Variants in ZBTB7C observed in about 807,000 individuals in gnomAD.
ZBTB7C encodes zinc finger and BTB domain containing 7C, also known as zinc finger and BTB domain-containing protein 7C.
ZBTB7C carries 8 observed loss-of-function variants against 25.7 expected under a neutral mutation model. The observed-to-expected ratio is 0.31, with a 90% CI of 0.18 to 0.56. The LOEUF is 0.56. ZBTB7C is among the 20% of genes least tolerant of loss of function. ZBTB7C has a pLI of 0.91. For synonymous variants in ZBTB7C, 394 were observed against 369.0 expected (o/e 1.07, Z -0.78); for missense variants, 824 against 855.2 (o/e 0.96, Z 0.46).
chr18:48,398,465 C>G (rs188328284), intron 1 of ZBTB7C, among the ~76,000 whole-genome samples: 1 of 152,280 alleles, frequency 6.6e-6, no homozygotes, highest in East Asian at 1.9e-4. Flanking sequence ...GTCAGGAAAG[C>G]CTAAGCTCCC....
intron 3 of ZBTB7C, among the ~76,000 whole-genome samples, chr18:48,074,354 A>G (rs1278233618): frequency 6.6e-6 from 1 of 152,160 alleles, no homozygotes; most frequent in Admixed American, 6.5e-5. Context: ...TCTGGGGGGC[A>G]GTCATTCCTG....
intron 2 of ZBTB7C, among the ~76,000 whole-genome samples, chr18:48,186,621 A>T (rs2042062079): frequency 6.6e-6 from 1 of 152,170 alleles, no homozygotes; most frequent in South Asian, 2.1e-4. Context: ...CGCTAACCTG[A>T]ACTGTGAATT....
chr18:48,323,565 T>A (rs1361599356), intron 2 of ZBTB7C, among the ~76,000 whole-genome samples: 1 of 152,158 alleles, frequency 6.6e-6, no homozygotes, highest in East Asian at 1.9e-4. Flanking sequence ...ACCACCAAAG[T>A]CCTTTGCAGT....
At chr18:48,038,271 C>T (rs1329109877) in intron 4 of ZBTB7C, among the ~76,000 whole-genome samples, 2 of 152,108 alleles carry the variant, frequency 1.3e-5, no homozygotes, top group Admixed American at 6.5e-5. Context: ...TGAGGCCCTT[C>T]CCCTCTGCTC....
intron 3 of ZBTB7C, among the ~76,000 whole-genome samples, chr18:48,111,168 T>C (rs2039224786): frequency 1.3e-5 from 2 of 152,126 alleles, no homozygotes; most frequent in Non-Finnish European, 2.9e-5. Flanking sequence ...TCTGGGTGTG[T>C]CACCTCCACC....
chr18:48,303,519 T>C (rs757624535), intron 2 of ZBTB7C, among the ~76,000 whole-genome samples: 18 of 152,182 alleles, frequency 1.2e-4, no homozygotes, highest in Non-Finnish European at 2.1e-4. Flanking sequence ...GTGTTAACAC[T>C]ATCAAATACA....
intron 1 of ZBTB7C, among the ~76,000 whole-genome samples, chr18:48,402,815 T>C (rs1280042361): frequency 1.3e-5 from 2 of 152,220 alleles, no homozygotes; most frequent in Non-Finnish European, 2.9e-5. Flanking sequence ...TGTTGTAGGA[T>C]GTTTTTGATT....
intron 3 of ZBTB7C, among the ~76,000 whole-genome samples, chr18:48,120,380 C>T (rs1234727700): frequency 1.3e-5 from 2 of 152,148 alleles, no homozygotes; most frequent in Non-Finnish European, 2.9e-5. Flanking sequence ...AATCCCAGCA[C>T]TTTGGGAGGC....
chr18:48,114,021 C>T (rs1032263374), intron 3 of ZBTB7C, among the ~76,000 whole-genome samples: 1 of 152,170 alleles, frequency 6.6e-6, no homozygotes, highest in African/African-American at 2.4e-5. Context: ...CTGGGAGCCA[C>T]TGGTGCTCTA....
intron 3 of ZBTB7C, among the ~76,000 whole-genome samples, chr18:48,150,200 G>C (rs1598975679): frequency 6.6e-6 from 1 of 152,148 alleles, no homozygotes; most frequent in African/African-American, 2.4e-5. Context: ...GCCAGGATCT[G>C]AACTCAGGCC....
At chr18:48,356,917 C>T (rs988069436) in intron 1 of ZBTB7C, among the ~76,000 whole-genome samples, 1 of 152,298 alleles carries the variant, frequency 6.6e-6, no homozygotes, top group East Asian at 1.9e-4. Context: ...TCCTAACACA[C>T]ATAATCCTAC....
At chr18:48,151,524 C>A (rs2040678393) in intron 3 of ZBTB7C, among the ~76,000 whole-genome samples, 1 of 152,192 alleles carries the variant, frequency 6.6e-6, no homozygotes, top group Admixed American at 6.5e-5. Context: ...AGTCTCCTCA[C>A]TCTAAAGATA....
At chr18:48,181,209 AGGACT>A (rs1161544537) in intron 3 of ZBTB7C, among the ~76,000 whole-genome samples, 2 of 152,192 alleles carry the variant, frequency 1.3e-5, no homozygotes, top group Admixed American at 6.5e-5. Context: ...GCAGATAGTA[AGGACT>A]GGACTGGACT....
In ZBTB7C at chr18:48,040,587, T is replaced by G; in HGVS notation, c.521A>C (p.Gln174Pro). Residue 174 changes from glutamine to proline, a missense_variant, in exon 4 of 5, where the codon CAA (glutamine) becomes CCA (proline). Around this residue, in one of 4 missense-constraint regions of ZBTB7C, gnomAD observed 316 missense variants for 299.2 expected, o/e 1.06. Transcript: ENST00000590800. ...GTCCTGGGGGTCAGGCAAGTTTTCT[T>G]GGTCAGCAAAGTCCTCCGTGTCATC... ...DDDDTEDFAD[Q>P]ENLPDPQDIS... 6.2e-7 allele frequency: 1 copy of G among 1,613,926 alleles called. No homozygotes were observed. Among genetic ancestry groups the G allele is most frequent in the Non-Finnish European group, 8.5e-7 (1 of 1,179,938 alleles).
chr18:48,111,187 CCATCCTTTCT>C (rs2039226297), intron 3 of ZBTB7C, among the ~76,000 whole-genome samples: 1 of 152,134 alleles, frequency 6.6e-6, no homozygotes, highest in Non-Finnish European at 1.5e-5. Flanking sequence ...CCTCCCCACC[CCATCCTTTCT>C]CATGCTCTCG....
Position 48,040,747 on chromosome 18 carries a change from T to G in ZBTB7C, c.361A>C (p.Asn121His), listed in dbSNP as rs374089051. 2.5e-6 allele frequency: 4 copies of G among 1,614,026 alleles called. No individual in the cohort carries two copies. The highest frequency in any genetic ancestry group is 1.7e-6 in the Non-Finnish European group (2 of 1,179,990). The stretch of plus-strand genomic sequence containing the variant: ...GGCTCCATGATCTCCAGGCACACGT[T>G]CACGATGCACTGGATCTCCAGCATC... ...ARMLEIQCIV[N>H]VCLEIMEPGG... The change falls in exon 4 of 5, where the codon AAC becomes CAC. Residue 121 changes from asparagine to histidine, a missense_variant. Coordinates refer to ENST00000590800, the MANE Select transcript of ZBTB7C (RefSeq NM_001318841.2).
intron 3 of ZBTB7C, among the ~76,000 whole-genome samples, chr18:48,123,166 TCA>T (rs932346224): frequency 6.6e-6 from 1 of 152,112 alleles, no homozygotes; most frequent in Admixed American, 6.5e-5. Flanking sequence ...TGCTTTGTGA[TCA>T]CCCATCAAGT....
intron 2 of ZBTB7C, among the ~76,000 whole-genome samples, chr18:48,224,218 T>C (rs1277916645): frequency 2.0e-5 from 3 of 152,210 alleles, no homozygotes; most frequent in Non-Finnish European, 2.9e-5. Context: ...CATGCATTTA[T>C]ACCAATAACC....
chr18:48,351,402 G>T (rs1417211656), intron 1 of ZBTB7C, among the ~76,000 whole-genome samples: 3 of 152,136 alleles, frequency 2.0e-5, no homozygotes, highest in Admixed American at 1.3e-4. Flanking sequence ...AAGACCCGTG[G>T]CTTTGGGTGT....
Sources: allele counts gnomAD v4.1 joint callset (sites outside exome capture counted in the v4.1 genomes callset), GRCh38; gene constraint gnomAD v4.1.1; regional missense constraint gnomAD v4.1.1; transcripts MANE v1.5; gene names NCBI Gene and HGNC (gene_info 2026-07-23, HGNC 2026-07-21).